The following CCNT2 variants were observed in gnomAD, a reference collection of about 807,000 sequenced individuals.
CCNT2 encodes the protein cyclin T2.
CCNT2 carries 18 observed loss-of-function variants against 70.0 expected under a neutral mutation model. The ratio of observed to expected loss-of-function variants is 0.26; its 90% confidence interval spans 0.18 to 0.38. The LOEUF (loss-of-function observed/expected upper bound fraction) is 0.38. Among genes scored for constraint, CCNT2 ranks in the 10% least tolerant of loss-of-function variants. The pLI, the probability that CCNT2 is intolerant of heterozygous loss-of-function variation, is 1.00. For missense variants in CCNT2, 734 were observed against 890.2 expected, an observed-to-expected ratio of 0.82 and a Z score of 2.23; for synonymous variants, 334 against 313.3, an observed-to-expected ratio of 1.07 and a Z score of -0.70.
At chr2:134,935,769 T>C (rs1465181540) in intron 2 of CCNT2, among the ~76,000 whole-genome samples, 1 of 152,170 alleles carries the variant, frequency 6.6e-6, no homozygotes, top group African/African-American at 2.4e-5. Flanking sequence ...AGTGCTTGTG[T>C]TCTTATATTT....
intron 2 of CCNT2, chr2:134,920,512 T>C (rs573928779): frequency 2.3e-4 from 35 of 152,324 alleles, no homozygotes; most frequent in Admixed American, 8.5e-4. Flanking sequence ...TACACCTGAA[T>C]ATTAAGGTAT....
chr2:134,939,032 A>C lies in CCNT2; in HGVS notation c.400A>C (p.Ile134Leu). 6.2e-7 allele frequency: 1 copy of C among 1,611,118 alleles called. No individual in the cohort carries two copies. The highest frequency in any genetic ancestry group is 8.5e-7 in the Non-Finnish European group (1 of 1,177,668). ...CCTTCAACAGACTCAAGAACTGGTT[A>C]TACTTGAAACCATAATGCTACAAAC... is the stretch of plus-strand genomic sequence containing the variant. ...AYLQQTQELV[I>L]LETIMLQTLG... The change falls in exon 4 of 9, where the codon ATA (isoleucine) becomes CTA (leucine). Residue 134 changes from isoleucine to leucine, a missense_variant. Ile to Leu is a conservative substitution (Grantham distance 5, BLOSUM62 2). Around this residue, in one of 3 missense-constraint regions of CCNT2, gnomAD observed 161 missense variants for 303.8 expected, o/e 0.53. Coordinates refer to ENST00000264157, the MANE Select transcript of CCNT2 (RefSeq NM_058241.3).
At chr2:134,948,350 A>G (rs1682156048) in intron 7 of CCNT2, among the ~76,000 whole-genome samples, 1 of 151,886 alleles carries the variant, frequency 6.6e-6, no homozygotes, top group Admixed American at 6.6e-5. Flanking sequence ...TAAAAAATAA[A>G]TAAGTAAGGT....
In CCNT2 at chr2:134,919,042, C is replaced by T. The variant is rs753279710; in HGVS notation, c.158+30C>T. 10 of 1,569,254 alleles carry T rather than the reference C, an allele frequency of 6.4e-6. No individual in the cohort carries two copies. The Admixed American group carries it at 1.2e-4, about 19-fold the overall frequency. On this transcript the variant is annotated intron_variant, in intron 1 of 8. Coordinates refer to ENST00000264157, the MANE Select transcript of CCNT2 (RefSeq NM_058241.3). ...CCTTTTCTGTTCGCCGCCGCTCACG[C>T]CCTGTTTCCCTTGCCCGGTCGCCGG...
rs1393862554 is a variant in CCNT2, at chr2:134,954,185, A to T, written c.1730A>T (p.His577Leu). 1.2e-6 allele frequency: 2 copies of T among 1,613,968 alleles called. No homozygotes were observed. Among genetic ancestry groups the T allele is most frequent in the African/African-American group, 2.7e-5 (2 of 74,878 alleles). ...RHHTSSHKHS[H>L]SHSGSSSGGS... The stretch of plus-strand genomic sequence containing the variant: ...CACACCAGCAGCCACAAGCATTCCC[A>T]CTCGCATAGTGGCAGCAGCAGCGGT... Residue 577 changes from histidine (H) to leucine (L), a missense_variant, in exon 9 of 9, where the codon CAC becomes CTC. By Grantham distance (99) the His-to-Leu change is moderately conservative. Transcript: ENST00000264157.
intron 6 of CCNT2, 78 bp from the exon 7 acceptor site, chr2:134,947,658 C>A: frequency 8.8e-7 from 1 of 1,135,234 alleles, no homozygotes; most frequent in Non-Finnish European, 1.2e-6. Context: ...TTGCTCTAAT[C>A]TTACTGGTAA....
intron 4 of CCNT2, among the ~76,000 whole-genome samples, chr2:134,940,737 CG>C (rs943389171): frequency 2.0e-5 from 3 of 151,950 alleles, no homozygotes; most frequent in Admixed American, 1.3e-4. Flanking sequence ...ATATTTTTAC[CG>C]TATTTAGTGC....
intron 2 of CCNT2, among the ~76,000 whole-genome samples, chr2:134,928,071 A>G (rs888738723): frequency 6.6e-5 from 10 of 152,184 alleles, no homozygotes; most frequent in Non-Finnish European, 1.3e-4. Flanking sequence ...ATGCAGTTCA[A>G]GCAATTCTCC....
intron 4 of CCNT2, among the ~76,000 whole-genome samples, chr2:134,940,623 C>T (rs1422873884): frequency 6.6e-6 from 1 of 152,162 alleles, no homozygotes; most frequent in Non-Finnish European, 1.5e-5. Flanking sequence ...TTGCAGTGAG[C>T]TCACATGTTA....
chr2:134,957,197 G>A lies in CCNT2; in HGVS notation c.*2549G>A, dbSNP rs1476258794. On this transcript the variant is annotated 3_prime_UTR_variant, in exon 9 of 9. Coordinates refer to ENST00000264157, the MANE Select transcript of CCNT2 (RefSeq NM_058241.3). ...ATCTCATTTGCATAACAGTTCATCT[G>A]TCTGGTCCCATTAGGCTCTACCAAA... is the stretch of plus-strand genomic sequence containing the variant. The A allele has an allele frequency of 5.3e-5, 8 of 152,072 alleles. No individual in the cohort carries two copies. Among genetic ancestry groups the A allele is most frequent in the Non-Finnish European group, 1.2e-4 (8 of 67,992 alleles). 9.4% of individuals were successfully genotyped at this position (152,072 alleles called of 1,614,324 possible). A position where few individuals can be genotyped will look rare whatever the true frequency, so the allele number is the denominator to read the frequency against.
chr2:134,921,605 C>A (rs1300931797), intron 2 of CCNT2, among the ~76,000 whole-genome samples: 4 of 152,172 alleles, frequency 2.6e-5, no homozygotes, highest in Non-Finnish European at 4.4e-5. Flanking sequence ...CCGTCCGCCT[C>A]GGCCTCCCAA....
chr2:134,928,129 C>T lies in CCNT2; in HGVS notation c.240+8238C>T, dbSNP rs550904125. Among the ~76,000 whole-genome samples the T allele has an allele frequency of 2.6e-5, 4 of 152,188 alleles. No homozygotes were observed. In the South Asian group the frequency reaches 8.3e-4, roughly 32 times the overall value. On this transcript the variant is annotated intron_variant, in intron 2 of 8. Transcript: ENST00000264157. ...GGGATTATAGGCATGTGCCACCACA[C>T]CTGGCTAATTTTAGTAGAGACGGGG...
At chr2:134,943,441 A>G in intron 5 of CCNT2, 3 of 985,220 alleles carry the variant, frequency 3.0e-6, no homozygotes, top group Non-Finnish European at 3.6e-6. Context: ...TGTTTTGCCC[A>G]TATTCATTTG....
chr2:134,936,658 G>T (rs1014112618), intron 2 of CCNT2, among the ~76,000 whole-genome samples, 183 bp from the exon 3 acceptor site: 3 of 151,978 alleles, frequency 2.0e-5, no homozygotes, highest in African/African-American at 7.3e-5. Flanking sequence ...GGAGGCTGAG[G>T]CAGGAGAATC....
chr2:134,934,049 A>G (rs184063832), intron 2 of CCNT2, among the ~76,000 whole-genome samples: 19 of 152,298 alleles, frequency 1.2e-4, no homozygotes, highest in African/African-American at 4.1e-4. Flanking sequence ...TTTGTATGAT[A>G]TATTTCTATA....
intron 6 of CCNT2, 22 bp downstream of exon 6, chr2:134,946,168 G>T: frequency 6.2e-7 from 1 of 1,600,368 alleles, no homozygotes. Flanking sequence ...GACCCTCTTT[G>T]TTGCACTGTT....
Position 134,958,902 on chromosome 2 carries a change from G to A in CCNT2, c.*4254G>A, listed in dbSNP as rs1683063699. The A allele has an allele frequency of 6.6e-6, 1 of 152,168 alleles. No individual in the cohort carries two copies. Among genetic ancestry groups the A allele is most frequent in the Non-Finnish European group, 1.5e-5 (1 of 68,024 alleles). 9.4% of individuals were successfully genotyped at this position (152,168 alleles called of 1,614,324 possible). ...GATCCATCGAAGATTGAATGGCTAGGAGTAATTCTGTTCTCGTATAGGCAA... is the reference window on the plus strand; with the variant it reads ...GATCCATCGAAGATTGAATGGCTAGAAGTAATTCTGTTCTCGTATAGGCAA... On this transcript the variant is annotated 3_prime_UTR_variant, in exon 9 of 9. Coordinates refer to ENST00000264157, the MANE Select transcript of CCNT2 (RefSeq NM_058241.3).
rs768254637 is a variant in CCNT2 at position 134,954,055 on chromosome 2, A to G, written c.1600A>G (p.Arg534Gly). The change falls in exon 9 of 9, where the codon AGA (arginine) becomes GGA (glycine). Residue 534 changes from arginine (R) to glycine (G), a missense_variant. Around this residue, in one of 3 missense-constraint regions of CCNT2, gnomAD observed 532 missense variants for 556.9 expected, o/e 0.96. Coordinates refer to ENST00000264157, the MANE Select transcript of CCNT2 (RefSeq NM_058241.3). The stretch of plus-strand genomic sequence containing the variant: ...GAAAATAAAAGTTTCTTCTTCAGAA[A>G]GACACAGCTCTTCTGATGAAGGCAG... ...KMKIKVSSSERHSSSDEGSGK... is the reference protein window; with the variant it reads ...KMKIKVSSSEGHSSSDEGSGK... 15 of 1,613,818 alleles carry G rather than the reference A, an allele frequency of 9.3e-6. No individual in the cohort carries two copies. The South Asian group carries it at 1.5e-4, about 17-fold the overall frequency.
intron 1 of CCNT2, 39 bp from the exon 2 acceptor site, chr2:134,919,771 C>G: frequency 1.3e-6 from 2 of 1,489,624 alleles, no homozygotes; most frequent in Non-Finnish European, 1.9e-6. Flanking sequence ...GGAATGAGAT[C>G]TTGCTTTTGT....
Sources: gnomAD v4.1 joint callset for allele counts (sites outside exome capture counted in the v4.1 genomes callset) on GRCh38, gnomAD v4.1.1 for gene constraint, gnomAD v4.1.1 regional missense constraint, MANE v1.5 for transcripts, NCBI Gene and HGNC (gene_info 2026-07-23, HGNC 2026-07-21) for gene names.